CCDC7: variants seen among roughly 807,000 people sequenced by gnomAD.
CCDC7 encodes the protein coiled-coil domain containing 7.
In CCDC7, 183 loss-of-function variants were observed where a neutral mutation model predicts 196.9. The ratio of observed to expected loss-of-function variants is 0.93; its 90% CI spans 0.82 to 1.05. CCDC7 has a LOEUF of 1.05. Ranked by LOEUF, CCDC7 falls within the 50% of genes least tolerant of loss-of-function variation. The probability of loss-of-function intolerance (pLI) is 0.00; values close to 1 mark genes in which losing one functional copy is unlikely to be tolerated. For synonymous variants in CCDC7, 525 were observed against 484.6 expected (o/e 1.08, Z -1.10); for missense variants, 1,540 against 1,482.2 (o/e 1.04, Z -0.64).
chr10:32,716,019 C>G (rs1472149235), intron 25 of CCDC7, among the ~76,000 whole-genome samples: 1 of 152,150 alleles, frequency 6.6e-6, no homozygotes, highest in Admixed American at 6.5e-5. Context: ...AATAGCAAGA[C>G]AGGCCAATAT....
chr10:32,643,211 A>T (rs929758823), intron 20 of CCDC7, among the ~76,000 whole-genome samples: 60 of 152,132 alleles, frequency 3.9e-4, no homozygotes, highest in African/African-American at 1.4e-3. Context: ...ATGTATAAAA[A>T]TTCCATATTT....
chr10:32,730,548 TAAA>T (rs1389253397), intron 28 of CCDC7, among the ~76,000 whole-genome samples: 1 of 151,866 alleles, frequency 6.6e-6, no homozygotes, highest in Non-Finnish European at 1.5e-5. Context: ...TAGTAGTAAA[TAAA>T]ATAATAATGT....
intron 41 of CCDC7, among the ~76,000 whole-genome samples, chr10:32,856,314 C>A (rs1055336768): frequency 1.3e-5 from 2 of 152,178 alleles, no homozygotes; most frequent in African/African-American, 4.8e-5. Flanking sequence ...AATCACATAT[C>A]TGATAAGGTA....
At chr10:32,740,432 T>A (rs550737555) in intron 28 of CCDC7, among the ~76,000 whole-genome samples, 1 of 152,304 alleles carries the variant, frequency 6.6e-6, no homozygotes, top group East Asian at 1.9e-4. Context: ...TGGCTTTTTT[T>A]CCAACCAAAT....
intron 9 of CCDC7, among the ~76,000 whole-genome samples, chr10:32,496,185 CTCTG>C (rs1208511420): frequency 2.0e-5 from 3 of 151,678 alleles, no homozygotes; most frequent in Non-Finnish European, 4.4e-5. Flanking sequence ...TGATTTGGCT[CTCTG>C]TCTGTTCTTG....
chr10:32,827,335 C>A (rs189521203), intron 32 of CCDC7, among the ~76,000 whole-genome samples: 12 of 152,130 alleles, frequency 7.9e-5, no homozygotes, highest in African/African-American at 2.9e-4. Flanking sequence ...TCCTCGGTAC[C>A]TGGTGGCAGG....
At position 32,500,557 on chromosome 10, in the gene CCDC7, C is replaced by T. The variant is rs550892485; in HGVS notation, c.872+8560C>T. Among the ~76,000 whole-genome samples, 157 of 151,172 alleles carry T rather than the reference C, an allele frequency of 1.0e-3. 1 individual carries two copies. In the East Asian group the frequency reaches 0.029, roughly 28 times the overall value. Reference sequence around the variant, plus strand: ...GGCTAGGAAGAGGTGCTCCTCACTTCCCAGACTGGGCGGCCGGGCAGAGGG... The same window carrying T: ...GGCTAGGAAGAGGTGCTCCTCACTTTCCAGACTGGGCGGCCGGGCAGAGGG... On this transcript the variant is annotated intron_variant, in intron 9 of 41. Coordinates refer to ENST00000639629, the Ensembl canonical transcript of CCDC7.
chr10:32,531,512 G>T (rs1181652412), intron 11 of CCDC7, among the ~76,000 whole-genome samples: 5 of 152,148 alleles, frequency 3.3e-5, no homozygotes, highest in African/African-American at 1.2e-4. Context: ...TGGGTGTGTA[G>T]TTTTCGTTTT....
At chr10:32,760,106 A>G (rs1216772365) in intron 28 of CCDC7, among the ~76,000 whole-genome samples, 4 of 152,178 alleles carry the variant, frequency 2.6e-5, no homozygotes, top group Non-Finnish European at 5.9e-5. Context: ...CAGGTGCTAG[A>G]GAGGATGTGG....
rs190842385 is a variant in CCDC7, at chr10:32,829,060, C to T, written c.3268+4456C>T. On this transcript the variant is annotated intron_variant, in intron 32 of 41. Coordinates refer to ENST00000639629, the Ensembl canonical transcript of CCDC7. ...TACATTGTTGACTTGGGTGATTGAC[C>T]CGGACTATCAAGATGAATTCAGTCT... Among the ~76,000 whole-genome samples, 465 of 152,210 alleles carry T rather than the reference C, an allele frequency of 3.1e-3. 6 individuals are homozygous for T. The highest frequency in any genetic ancestry group is 2.6e-3 in the Non-Finnish European group (176 of 68,014).
intron 32 of CCDC7, among the ~76,000 whole-genome samples, chr10:32,828,533 A>AGAAGAAGAAGAG (rs2091707629): frequency 6.6e-6 from 1 of 151,016 alleles, no homozygotes. Flanking sequence ...AAGAAGAAGA[A>AGAAGAAGAAGAG]GAAGAAGAAG....
chr10:32,761,932 A>G (rs1435590948), intron 28 of CCDC7, among the ~76,000 whole-genome samples: 1 of 151,962 alleles, frequency 6.6e-6, no homozygotes, highest in African/African-American at 2.4e-5. Flanking sequence ...TCTCTCTCCC[A>G]CAGATGCAGA....
chr10:32,654,109 C>T (rs1025281297), intron 20 of CCDC7, among the ~76,000 whole-genome samples: 4 of 151,922 alleles, frequency 2.6e-5, no homozygotes, highest in African/African-American at 9.7e-5. Flanking sequence ...CCTTTGATTC[C>T]ATCTTTCCAT....
intron 25 of CCDC7, among the ~76,000 whole-genome samples, chr10:32,725,748 T>G (rs2142262625): frequency 6.6e-6 from 1 of 152,118 alleles, no homozygotes; most frequent in South Asian, 2.1e-4. Context: ...CCAATGTCTT[T>G]GTCAACAACC....
At chr10:32,595,540 C>A (rs145509724) in intron 18 of CCDC7, among the ~76,000 whole-genome samples, 1 of 152,144 alleles carries the variant, frequency 6.6e-6, no homozygotes, top group Non-Finnish European at 1.5e-5. Flanking sequence ...GTCTCTATCT[C>A]CTTCAGTTCT....
intron 11 of CCDC7, among the ~76,000 whole-genome samples, chr10:32,528,720 ATACGTATT>A (rs1393366747): frequency 6.9e-6 from 1 of 144,126 alleles, no homozygotes; most frequent in East Asian, 2.0e-4. Flanking sequence ...ATATACATAT[ATACGTATT>A]TACGTATATA....
intron 11 of CCDC7, among the ~76,000 whole-genome samples, chr10:32,522,565 A>G (rs999800878): frequency 1.3e-5 from 2 of 151,602 alleles, no homozygotes; most frequent in Admixed American, 1.3e-4. Context: ...TCTTCTTTTC[A>G]TAGTCTGACT....
chr10:32,849,080 G>A (rs2093429633), intron 39 of CCDC7, among the ~76,000 whole-genome samples: 1 of 147,586 alleles, frequency 6.8e-6, no homozygotes, highest in African/African-American at 2.5e-5. Flanking sequence ...TCTCTTCTGT[G>A]TGTAAGTATC....
chr10:32,548,349 A>C (rs1433533559), intron 13 of CCDC7, among the ~76,000 whole-genome samples: 1 of 152,176 alleles, frequency 6.6e-6, no homozygotes, highest in African/African-American at 2.4e-5. Context: ...AGAACAGATA[A>C]TTCAGGTCAG....
Sources: allele counts gnomAD v4.1 joint callset (sites outside exome capture counted in the v4.1 genomes callset), GRCh38; gene constraint gnomAD v4.1.1; transcripts MANE v1.5; gene names NCBI Gene and HGNC (gene_info 2026-07-23, HGNC 2026-07-21).